The following POLK variants were observed in gnomAD, a reference collection of about 807,000 sequenced individuals.
POLK encodes the protein polymerase (DNA directed) kappa.
A neutral mutation model predicts 94.0 loss-of-function variants in POLK; 76 were observed. That is an observed-to-expected ratio of 0.81 (90% CI 0.67 to 0.98). POLK has a LOEUF of 0.98. Among genes scored for constraint, POLK ranks in the 50% least tolerant of loss-of-function variants. The pLI is 0.00. For synonymous variants in POLK, 349 were observed against 325.4 expected, an observed-to-expected ratio of 1.07 and a Z score of -0.78; for missense variants, 954 against 1,010.1, an observed-to-expected ratio of 0.94 and a Z score of 0.75.
At chr5:75,592,589 G>A (rs1252008001) in intron 11 of POLK, among the ~76,000 whole-genome samples, 2 of 152,056 alleles carry the variant, frequency 1.3e-5, no homozygotes, top group East Asian at 1.9e-4. Flanking sequence ...CAGCTACTCT[G>A]GAGGCTGAGG....
At chr5:75,555,713 A>G (rs1201883015) in intron 3 of POLK, among the ~76,000 whole-genome samples, 1 of 151,950 alleles carries the variant, frequency 6.6e-6, no homozygotes, top group Non-Finnish European at 1.5e-5. Context: ...ATGCCCAGCT[A>G]ATTTTTGCAT....
intron 5 of POLK, among the ~76,000 whole-genome samples, chr5:75,575,799 T>C (rs1771840539): frequency 6.6e-6 from 1 of 152,208 alleles, no homozygotes; most frequent in South Asian, 2.1e-4. Flanking sequence ...TTCATAATTA[T>C]ATTAAGCTAA....
At chr5:75,597,516 C>T (rs1027444178) in intron 13 of POLK, 7 of 414,920 alleles carry the variant, frequency 1.7e-5, no homozygotes, top group African/African-American at 1.4e-4. Context: ...GCCTCTTTAA[C>T]TTATTTTTTG....
In POLK at chr5:75,574,324, G is replaced by A. The variant is rs191695898; in HGVS notation, c.540+455G>A. 2.6e-5 allele frequency among the ~76,000 whole-genome samples: 4 copies of A among 152,090 alleles called. No homozygotes were observed. The East Asian group carries it at 7.7e-4, about 29-fold the overall frequency. ...GTATTTTGATTAGCCTACTTTACTT[G>A]CCCCATAATCATTTGCTGTCTAAGA... is the stretch of plus-strand genomic sequence containing the variant. On this transcript the variant is annotated intron_variant, in intron 5 of 14. Transcript: ENST00000241436.
In POLK at chr5:75,596,726, C is replaced by T. The variant is rs863225455; in HGVS notation, c.2033C>T (p.Ser678Phe). 1.2e-6 allele frequency: 2 copies of T among 1,613,716 alleles called. No homozygotes were observed. The highest frequency in any genetic ancestry group is 1.7e-6 in the Non-Finnish European group (2 of 1,179,890). Residue 678 changes from serine to phenylalanine, a missense_variant, in exon 13 of 15, where the codon TCT becomes TTT. Coordinates refer to ENST00000241436, the Ensembl canonical transcript of POLK. ...AACAAGAAAGAAAATGTTCCTGCTT[C>T]TTCACTTTGTGAGAAGCAAGATTAT...
At chr5:75,572,957 A>G (rs572347147) in intron 4 of POLK, among the ~76,000 whole-genome samples, 153 of 152,320 alleles carry the variant, frequency 1.0e-3, no homozygotes, top group African/African-American at 3.4e-3. Flanking sequence ...TAGTGTGGCG[A>G]TTCCTCAGGG....
At chr5:75,605,768 C>G (rs1020634573), downstream of POLK, among the ~76,000 whole-genome samples, 2 of 151,980 alleles carry the variant, frequency 1.3e-5, no homozygotes, top group Admixed American at 6.6e-5. Flanking sequence ...ATATGGGACA[C>G]CAAGGTTTAT....
intron 3 of POLK, among the ~76,000 whole-genome samples, chr5:75,563,217 C>G (rs879561685): frequency 7.9e-5 from 12 of 152,144 alleles, no homozygotes; most frequent in Non-Finnish European, 1.5e-4. Context: ...CCGCTTCAGC[C>G]TCCCAAAGTG....
At chr5:75,584,862 T>C (rs766166014) in exon 9 of POLK, 1 of 1,607,376 alleles carries the variant, frequency 6.2e-7, no homozygotes. Flanking sequence ...TCTCCTTTTC[T>C]CTGAAACATC....
chr5:75,552,245 A>G (rs5744604), intron 2 of POLK, among the ~76,000 whole-genome samples: 16 of 152,224 alleles, frequency 1.1e-4, no homozygotes, highest in African/African-American at 3.6e-4. Context: ...ACTGCTCACA[A>G]CAATCCTGTG....
intron 4 of POLK, among the ~76,000 whole-genome samples, chr5:75,570,063 C>T (rs924643126): frequency 5.3e-5 from 8 of 152,128 alleles, no homozygotes; most frequent in Non-Finnish European, 7.3e-5. Context: ...GAATAAAGTG[C>T]ACAATAAATG....
At chr5:75,566,805 C>T (rs745391421) in intron 3 of POLK, among the ~76,000 whole-genome samples, 5 of 152,170 alleles carry the variant, frequency 3.3e-5, no homozygotes, top group East Asian at 1.9e-4. Flanking sequence ...CCATCTTACC[C>T]GGGAATCCCC....
chr5:75,571,967 A>T (rs1341673041), intron 4 of POLK, among the ~76,000 whole-genome samples: 6 of 152,218 alleles, frequency 3.9e-5, no homozygotes, highest in Non-Finnish European at 8.8e-5. Flanking sequence ...CTGTTCCAGA[A>T]CACTGACCAA....
upstream of POLK, chr5:75,510,971 A>C: frequency 1.1e-5 from 13 of 1,183,174 alleles, 1 homozygote; most frequent in South Asian, 2.3e-4. Context: ...TCCCCGCCTC[A>C]TCCCTAGTCG....
intron 1 of POLK, among the ~76,000 whole-genome samples, chr5:75,529,355 C>G (rs993357787): frequency 3.3e-5 from 5 of 152,086 alleles, no homozygotes; most frequent in South Asian, 2.1e-4. Flanking sequence ...AAGGAGGGCA[C>G]TAAGCCATTC....
chr5:75,583,094 C>T (rs1452299315), intron 7 of POLK, 199 bp from the exon 8 acceptor site: 1 of 404,312 alleles, frequency 2.5e-6, no homozygotes, highest in East Asian at 4.1e-5. Flanking sequence ...GCCACAATGA[C>T]TGTAACTAGT....
chr5:75,559,904 C>CA (rs922895226), intron 3 of POLK, among the ~76,000 whole-genome samples: 3 of 151,216 alleles, frequency 2.0e-5, no homozygotes, highest in South Asian at 2.1e-4. Flanking sequence ...AAAACAAAAC[C>CA]AAAAAAACAC....
chr5:75,596,438 C>T, exon 13 of POLK: 1 of 1,613,632 alleles, frequency 6.2e-7, no homozygotes, highest in Non-Finnish European at 8.5e-7. Context: ...CACCAAGATA[C>T]ATTTAAATGT....
downstream of POLK, among the ~76,000 whole-genome samples, chr5:75,603,427 CAAAA>C (rs11350660): frequency 2.2e-5 from 3 of 133,918 alleles, no homozygotes; most frequent in Non-Finnish European, 5.0e-5. Flanking sequence ...ACTCTCATGT[CAAAA>C]AAAAAAAAAA....
Sources: gnomAD v4.1 joint callset for allele counts (sites outside exome capture counted in the v4.1 genomes callset) on GRCh38, gnomAD v4.1.1 for gene constraint, MANE v1.5 for transcripts, NCBI Gene and HGNC (gene_info 2026-07-23, HGNC 2026-07-21) for gene names.